COX5B: variants seen among roughly 807,000 people sequenced by gnomAD.
COX5B encodes cytochrome c oxidase subunit 5B.
COX5B carries 8 observed loss-of-function variants against 16.2 expected under a neutral mutation model. The ratio of observed to expected loss-of-function variants is 0.49; its 90% CI spans 0.29 to 0.89. The LOEUF (loss-of-function observed/expected upper bound fraction) is 0.89. Ranked by LOEUF, COX5B falls within the 40% of genes least tolerant of loss-of-function variation. COX5B has a pLI of 0.08. For missense variants in COX5B, 161 were observed against 168.7 expected (o/e 0.95, Z 0.25); for synonymous variants, 65 against 67.6 (o/e 0.96, Z 0.19).
At chr2:97,647,255 C>T in intron 2 of COX5B, 89 bp from the exon 3 acceptor site, 1 of 1,511,302 alleles carries the variant, frequency 6.6e-7, no homozygotes. Flanking sequence ...AGGAACAGTC[C>T]CCTGAGCTTC....
chr2:97,646,256 A>G, intron 1 of COX5B, 67 bp downstream of exon 1: 2 of 1,132,070 alleles, frequency 1.8e-6, no homozygotes, highest in Non-Finnish European at 2.5e-6. Flanking sequence ...CAGGGCGGCA[A>G]AGCGGCGCGG....
intron 1 of COX5B, 28 bp downstream of exon 1, chr2:97,646,217 A>T: frequency 6.8e-7 from 1 of 1,480,894 alleles, no homozygotes; most frequent in Non-Finnish European, 9.1e-7. Context: ...CGTGCCAGGG[A>T]CCAGAGTGTT....
Position 97,646,094 on chromosome 2 carries a change from C to T in COX5B, c.8C>T (p.Ser3Leu). 6.4e-7 allele frequency: 1 copy of T among 1,555,774 alleles called. No homozygotes were observed. Among genetic ancestry groups the T allele is most frequent in the South Asian group, 1.2e-5 (1 of 84,338 alleles). ...CTGCTAGTCGCGGACGCAATGGCTTCAAGGTTACTTCGCGGAGCTGGAACG... is the reference window on the plus strand; with the variant it reads ...CTGCTAGTCGCGGACGCAATGGCTTTAAGGTTACTTCGCGGAGCTGGAACG... MA[S>L]RLLRGAGTLA... The change falls in exon 1 of 4, where the codon TCA becomes TTA. Residue 3 changes from serine (S) to leucine (L), a missense_variant. Ser to Leu is a moderately radical substitution (Grantham distance 145). Coordinates refer to ENST00000258424, the MANE Select transcript of COX5B (RefSeq NM_001862.3).
Position 97,647,182 on chromosome 2 carries a change from G to A in COX5B, c.177+42G>A, listed in dbSNP as rs117644956. 4.9e-3 allele frequency: 7,816 copies of A among 1,599,610 alleles called. 303 individuals are homozygous for A. In the East Asian group the frequency reaches 0.1, roughly 21 times the overall value. On this transcript the variant is annotated intron_variant, in intron 2 of 3. Coordinates refer to ENST00000258424, the MANE Select transcript of COX5B (RefSeq NM_001862.3). ...TTCTGTGTCTTCTGTGTAACTTATG[G>A]CCTTGGATGTGTTCATAGTGGTCTC...
chr2:97,646,154 G>C lies in COX5B; in HGVS notation c.68G>C (p.Ser23Thr), dbSNP rs752259278. 1 of 1,553,564 alleles carries C rather than the reference G, an allele frequency of 6.4e-7. No individual in the cohort carries two copies. The highest frequency in any genetic ancestry group is 1.2e-5 in the South Asian group (1 of 84,272). ...AAQALRARGP[S>T]GAAAMRSMAS... Reference sequence around the variant, plus strand: ...CAGGCCCTGAGGGCTCGCGGCCCCAGTGGCGCGGCCGCGATGCGCTCCATG... The same window carrying C: ...CAGGCCCTGAGGGCTCGCGGCCCCACTGGCGCGGCCGCGATGCGCTCCATG... The change falls in exon 1 of 4, where the codon AGT becomes ACT. Residue 23 changes from serine (S) to threonine (T), a missense_variant. Physicochemically the swap from Ser to Thr is moderately conservative, Grantham distance 58 (BLOSUM62 1). Transcript: ENST00000258424.
In COX5B at chr2:97,648,155, C is replaced by G. The variant is rs746961641; in HGVS notation, c.*47C>G. ...AAATGTGCTGTAAAGTTTCTTCTTT[C>G]CAGTAAAGACTAGCCATTGCATTGG... On this transcript the variant is annotated 3_prime_UTR_variant, in exon 4 of 4. Coordinates refer to ENST00000258424, the MANE Select transcript of COX5B (RefSeq NM_001862.3). 1 of 1,462,762 alleles carries G rather than the reference C, an allele frequency of 6.8e-7. No homozygotes were observed. Among genetic ancestry groups the G allele is most frequent in the African/African-American group, 1.4e-5 (1 of 69,852 alleles). The allele number at this position is 1,462,762 out of a possible 1,614,324, so 90.6% of individuals were successfully genotyped here.
chr2:97,646,091 C>A lies in COX5B; in HGVS notation c.5C>A (p.Ala2Asp). 6.4e-7 allele frequency: 1 copy of A among 1,555,418 alleles called. No homozygotes were observed. Among genetic ancestry groups the A allele is most frequent in the East Asian group, 2.4e-5 (1 of 41,256 alleles). Residue 2 changes from alanine to aspartate, a missense_variant, in exon 1 of 4, where the codon GCT becomes GAT. Ala to Asp is a moderately radical substitution (Grantham distance 126). Coordinates refer to ENST00000258424, the MANE Select transcript of COX5B (RefSeq NM_001862.3). Reference protein sequence around the residue: MASRLLRGAGTL... With the variant: MDSRLLRGAGTL... ...TTGCTGCTAGTCGCGGACGCAATGG[C>A]TTCAAGGTTACTTCGCGGAGCTGGA...
chr2:97,647,513 A>G (rs1674680400), intron 3 of COX5B, 70 bp downstream of exon 3: 1 of 1,317,864 alleles, frequency 7.6e-7, no homozygotes, highest in South Asian at 1.2e-5. Flanking sequence ...AGCTGCCTCA[A>G]ATCTTCAGTG....
Position 97,646,152 on chromosome 2 carries a change from C to CA in COX5B, c.67dup (p.Ser23LysfsTer18). The CA allele has an allele frequency of 6.4e-7, 1 of 1,553,924 alleles. No individual in the cohort carries two copies. The highest frequency in any genetic ancestry group is 1.2e-5 in the South Asian group (1 of 84,280). Reference sequence around the variant, plus strand: ...CGCAGGCCCTGAGGGCTCGCGGCCCCAGTGGCGCGGCCGCGATGCGCTCCA... The same window carrying CA: ...CGCAGGCCCTGAGGGCTCGCGGCCCCAAGTGGCGCGGCCGCGATGCGCTCCA... On this transcript the variant is annotated frameshift_variant, in exon 1 of 4. Coordinates refer to ENST00000258424, the MANE Select transcript of COX5B (RefSeq NM_001862.3). LOFTEE classifies it high-confidence loss of function.
chr2:97,647,795 G>T (rs894849938), intron 3 of COX5B, among the ~76,000 whole-genome samples: 2 of 152,174 alleles, frequency 1.3e-5, no homozygotes, highest in South Asian at 4.1e-4. Context: ...CAGTGACCTT[G>T]ATACAAGGTC....
chr2:97,647,163 G>A (rs1452907714), intron 2 of COX5B, 23 bp downstream of exon 2: 1 of 1,611,196 alleles, frequency 6.2e-7, no homozygotes, highest in Non-Finnish European at 8.5e-7. Flanking sequence ...TCCCTTCTGT[G>A]TCTTCTGTGT....
chr2:97,647,114 A>G lies in COX5B; in HGVS notation c.151A>G (p.Ile51Val). Reference sequence around the variant, plus strand: ...GCAGGCGACTGGGTTGGAGAGGGAGATCATGCTGGCTGCAAAGAAGGGACT... The same window carrying G: ...GCAGGCGACTGGGTTGGAGAGGGAGGTCATGCTGGCTGCAAAGAAGGGACT... ...EEQATGLERE[I>V]MLAAKKGLDP... is the part of the protein sequence containing the mutation. The change falls in exon 2 of 4, where the codon ATC becomes GTC. Residue 51 changes from isoleucine (I) to valine (V), a missense_variant. By Grantham distance (29) the Ile-to-Val change is conservative. Transcript: ENST00000258424. 1 of 1,614,028 alleles carries G rather than the reference A, an allele frequency of 6.2e-7. No individual in the cohort carries two copies. Among genetic ancestry groups the G allele is most frequent in the South Asian group, 1.1e-5 (1 of 91,068 alleles).
intron 2 of COX5B, 90 bp from the exon 3 acceptor site, chr2:97,647,254 C>T (rs759504828): frequency 2.0e-6 from 3 of 1,508,802 alleles, no homozygotes; most frequent in Non-Finnish European, 2.8e-6. Context: ...TAGGAACAGT[C>T]CCCTGAGCTT....
chr2:97,647,004 C>T, intron 1 of COX5B, 63 bp from the exon 2 acceptor site: 1 of 1,545,358 alleles, frequency 6.5e-7, no homozygotes, highest in Middle Eastern at 1.7e-4. Flanking sequence ...TTGATCATTT[C>T]TGTTTGTAGT....
chr2:97,647,502 A>G (rs1338124196), intron 3 of COX5B, 59 bp downstream of exon 3: 1 of 1,409,204 alleles, frequency 7.1e-7, no homozygotes, highest in Non-Finnish European at 1.0e-6. Context: ...AATAGTGTGT[A>G]AGCTGCCTCA....
At position 97,646,085 on chromosome 2, in the gene COX5B, C is replaced by A. The variant is rs762106242; in HGVS notation, c.-2C>A. 9 of 1,553,948 alleles carry A rather than the reference C, an allele frequency of 5.8e-6. No homozygotes were observed. Among genetic ancestry groups the A allele is most frequent in the South Asian group, 2.4e-5 (2 of 84,230 alleles). On this transcript the variant is annotated 5_prime_UTR_variant, in exon 1 of 4. Transcript: ENST00000258424. ...GAAGTTTTGCTGCTAGTCGCGGACG[C>A]AATGGCTTCAAGGTTACTTCGCGGA...
Position 97,646,139 on chromosome 2 carries a change from G to C in COX5B, c.53G>C (p.Arg18Thr). Residue 18 changes from arginine (R) to threonine (T), a missense_variant, in exon 1 of 4, where the codon AGG becomes ACG. Physicochemically the swap from Arg to Thr is moderately conservative, Grantham distance 71. Transcript: ENST00000258424. ...GAGTLAAQAL[R>T]ARGPSGAAAM... is the part of the protein sequence containing the mutation. ...GGAACGCTGGCCGCGCAGGCCCTGAGGGCTCGCGGCCCCAGTGGCGCGGCC... is the reference window on the plus strand; with the variant it reads ...GGAACGCTGGCCGCGCAGGCCCTGACGGCTCGCGGCCCCAGTGGCGCGGCC... 2 of 1,557,280 alleles carry C rather than the reference G, an allele frequency of 1.3e-6. No individual in the cohort carries two copies. Among genetic ancestry groups the C allele is most frequent in the Non-Finnish European group, 1.7e-6 (2 of 1,150,334 alleles).
chr2:97,647,288 C>T, intron 2 of COX5B, 56 bp from the exon 3 acceptor site: 1 of 1,571,058 alleles, frequency 6.4e-7, no homozygotes. Flanking sequence ...CTTATTTGGC[C>T]TAATGGTTCA....
rs780259080 is a variant in COX5B at position 97,647,156 on chromosome 2, C to T, written c.177+16C>T. On this transcript the variant is annotated intron_variant, in intron 2 of 3. Coordinates refer to ENST00000258424, the MANE Select transcript of COX5B (RefSeq NM_001862.3). ...GAAGGGACTGGTAAGGAGAAACTCCCTTCTGTGTCTTCTGTGTAACTTATG... is the reference window on the plus strand; with the variant it reads ...GAAGGGACTGGTAAGGAGAAACTCCTTTCTGTGTCTTCTGTGTAACTTATG... The T allele has an allele frequency of 9.9e-6, 16 of 1,610,172 alleles. No homozygotes were observed. The Admixed American group carries it at 2.7e-4, about 27-fold the overall frequency.
Sources: allele counts gnomAD v4.1 joint callset (sites outside exome capture counted in the v4.1 genomes callset), GRCh38; gene constraint gnomAD v4.1.1; transcripts MANE v1.5; gene names NCBI Gene and HGNC (gene_info 2026-07-23, HGNC 2026-07-21).